The following GABRG3 variants were observed in gnomAD, a reference collection of about 807,000 sequenced individuals.
GABRG3 encodes gamma-aminobutyric acid type A receptor subunit gamma3.
GABRG3 carries 25 observed loss-of-function variants against 48.8 expected under a neutral mutation model. The observed-to-expected ratio is 0.51, with a 90% CI of 0.37 to 0.72. The LOEUF is 0.72. Among genes scored for constraint, GABRG3 ranks in the 30% least tolerant of loss-of-function variants. GABRG3 has a pLI of 0.00. For synonymous variants in GABRG3, 227 were observed against 217.6 expected (o/e 1.04, Z -0.38); for missense variants, 394 against 577.9 (o/e 0.68, Z 3.26).
At position 27,306,208 on chromosome 15, in the gene GABRG3, CAT is replaced by C. The variant is rs552041845; in HGVS notation, c.271-20598_271-20597del. ...AATATAAACATATTTATAATATAAA[CAT>C]ATGTAATATAAACATATGTTCTATA... On this transcript the variant is annotated intron_variant, in intron 3 of 9. Transcript: ENST00000615808. Among the ~76,000 whole-genome samples the C allele has an allele frequency of 1.3e-3, 167 of 127,054 alleles. 6 individuals carry two copies. Among genetic ancestry groups the C allele is most frequent in the African/African-American group, 3.2e-3 (112 of 34,538 alleles). 83.4% of individuals were successfully genotyped at this position (127,054 alleles called of 152,430 possible).
intron 3 of GABRG3, among the ~76,000 whole-genome samples, chr15:27,054,867 G>C (rs912099234): frequency 2.0e-5 from 3 of 152,096 alleles, no homozygotes; most frequent in Non-Finnish European, 4.4e-5. Flanking sequence ...GACTACAAAA[G>C]TCTAAGTTAC....
intron 3 of GABRG3, among the ~76,000 whole-genome samples, chr15:27,256,253 T>G (rs544385728): frequency 6.6e-5 from 10 of 151,500 alleles, no homozygotes; most frequent in Admixed American, 5.3e-4. Flanking sequence ...CCATCCTGGC[T>G]AACATGGTGA....
chr15:26,981,477 A>T lies in GABRG3; in HGVS notation c.202+4327A>T, dbSNP rs543875496. The stretch of plus-strand genomic sequence containing the variant: ...TCTTGAAAAGAGTATGTATCCTGTC[A>T]TCAATGGATGGACTGGATCCTGTTG... On this transcript the variant is annotated intron_variant, in intron 2 of 9. Transcript: ENST00000615808. Among the ~76,000 whole-genome samples, 5 of 152,344 alleles carry T rather than the reference A, an allele frequency of 3.3e-5. No individual in the cohort carries two copies. In the South Asian group the frequency reaches 6.2e-4, roughly 19 times the overall value.
At chr15:27,329,779 A>G (rs1595681522) in intron 5 of GABRG3, among the ~76,000 whole-genome samples, 2 of 152,390 alleles carry the variant, frequency 1.3e-5, no homozygotes, top group South Asian at 4.1e-4. Context: ...ATAAGAGTAC[A>G]TATAAAAGGA....
At position 27,532,958 on chromosome 15, in the gene GABRG3, A is replaced by G; in HGVS notation, c.*77A>G. ...GTCGTCCCCAGACCAGTAGTGACCA[A>G]TCGGGAGTAGCAAGGAAGGACACTG... On this transcript the variant is annotated 3_prime_UTR_variant, in exon 10 of 10. Coordinates refer to ENST00000615808, the MANE Select transcript of GABRG3 (RefSeq NM_033223.5). 1 of 1,405,614 alleles carries G rather than the reference A, an allele frequency of 7.1e-7. No homozygotes were observed. The highest frequency in any genetic ancestry group is 1.3e-5 in the South Asian group (1 of 74,390). The allele number at this position is 1,405,614 out of a possible 1,614,324, so 87.1% of individuals were successfully genotyped here.
chr15:27,524,795 C>A (rs1437328847), intron 7 of GABRG3, among the ~76,000 whole-genome samples: 2 of 151,550 alleles, frequency 1.3e-5, no homozygotes, highest in East Asian at 1.9e-4. Context: ...AAAAAGAAAA[C>A]AATATATTAT....
intron 3 of GABRG3, among the ~76,000 whole-genome samples, chr15:27,265,033 C>T (rs1890875671): frequency 6.6e-6 from 1 of 152,144 alleles, no homozygotes; most frequent in African/African-American, 2.4e-5. Context: ...AACCAAAACA[C>T]CGTTCCTTTA....
intron 5 of GABRG3, among the ~76,000 whole-genome samples, chr15:27,390,809 C>A (rs1896198507): frequency 6.6e-6 from 1 of 152,156 alleles, no homozygotes; most frequent in African/African-American, 2.4e-5. Flanking sequence ...CATAATCAGG[C>A]CGGGCACGGT....
At chr15:26,999,874 T>G (rs953224911) in intron 2 of GABRG3, among the ~76,000 whole-genome samples, 2 of 152,164 alleles carry the variant, frequency 1.3e-5, no homozygotes, top group South Asian at 4.1e-4. Context: ...TCTTTTCTAC[T>G]GTGATGTCTA....
chr15:27,220,016 C>T (rs1280852989), intron 3 of GABRG3, among the ~76,000 whole-genome samples: 3 of 152,078 alleles, frequency 2.0e-5, no homozygotes, highest in African/African-American at 7.2e-5. Flanking sequence ...GCAGACAAGA[C>T]CAAATACTGT....
At chr15:27,271,830 T>C (rs1314485503) in intron 3 of GABRG3, among the ~76,000 whole-genome samples, 1 of 152,176 alleles carries the variant, frequency 6.6e-6, no homozygotes, top group Non-Finnish European at 1.5e-5. Flanking sequence ...ACTTGTCTTT[T>C]CCATCATGCT....
At chr15:27,217,493 G>A (rs1889298743) in intron 3 of GABRG3, among the ~76,000 whole-genome samples, 1 of 152,096 alleles carries the variant, frequency 6.6e-6, no homozygotes, top group African/African-American at 2.4e-5. Flanking sequence ...ACCTTCTGAT[G>A]GTCTTGTCCA....
At chr15:27,392,342 TG>T (rs1195627939) in intron 5 of GABRG3, among the ~76,000 whole-genome samples, 3 of 152,192 alleles carry the variant, frequency 2.0e-5, no homozygotes, top group African/African-American at 7.2e-5. Flanking sequence ...AGACTTACAT[TG>T]TTTTTGATGA....
rs1169926074 is a variant in GABRG3 at position 27,313,262 on chromosome 15, GTATATATATATATATATATATATATA to G, written c.271-13524_271-13499del. Among the ~76,000 whole-genome samples the G allele has an allele frequency of 4.3e-3, 150 of 34,570 alleles. 6 individuals carry two copies. In the Middle Eastern group the frequency reaches 0.058, roughly 13 times the overall value. 22.7% of individuals were successfully genotyped at this position (34,570 alleles called of 152,430 possible). A position where few individuals can be genotyped will look rare whatever the true frequency, so the allele number is the denominator to read the frequency against. On this transcript the variant is annotated intron_variant, in intron 3 of 9. Transcript: ENST00000615808. Reference sequence around the variant, plus strand: ...TATATGTGTGTGTGTGTGTGTGTGTGTATATATATATATATATATATATATATATATATATATATATATATATACCC... The same window carrying G: ...TATATGTGTGTGTGTGTGTGTGTGTGTATATATATATATATATATATACCC...
At chr15:27,048,831 C>G (rs188951609) in intron 3 of GABRG3, among the ~76,000 whole-genome samples, 1 of 151,984 alleles carries the variant, frequency 6.6e-6, no homozygotes, top group Non-Finnish European at 1.5e-5. Context: ...CCTGGTTCTC[C>G]TAACCCTGAC....
At chr15:27,420,717 T>C (rs1888087602) in intron 5 of GABRG3, 1 of 152,224 alleles carries the variant, frequency 6.6e-6, no homozygotes, top group Non-Finnish European at 1.5e-5. Flanking sequence ...AGTGAGTCAA[T>C]GGTAAGAAGT....
chr15:27,464,222 T>A (rs1889535529), intron 5 of GABRG3, among the ~76,000 whole-genome samples: 1 of 152,154 alleles, frequency 6.6e-6, no homozygotes, highest in African/African-American at 2.4e-5. Flanking sequence ...AACATTGTCA[T>A]CACCCCAAAA....
chr15:27,253,630 A>G (rs1430496302), intron 3 of GABRG3, among the ~76,000 whole-genome samples: 2 of 152,236 alleles, frequency 1.3e-5, no homozygotes, highest in Non-Finnish European at 2.9e-5. Context: ...ACACAGGGGC[A>G]GAGCGGCTGC....
intron 5 of GABRG3, among the ~76,000 whole-genome samples, chr15:27,397,601 A>T (rs1887344889): frequency 6.6e-6 from 1 of 152,096 alleles, no homozygotes; most frequent in African/African-American, 2.4e-5. Flanking sequence ...CATTGCTCTG[A>T]AATTTGCCTC....
Sources: gnomAD v4.1 joint callset for allele counts (sites outside exome capture counted in the v4.1 genomes callset) on GRCh38, gnomAD v4.1.1 for gene constraint, MANE v1.5 for transcripts, NCBI Gene and HGNC (gene_info 2026-07-23, HGNC 2026-07-21) for gene names.